Variants in TOGARAM2 observed in about 807,000 individuals in gnomAD.
TOGARAM2 encodes TOG array regulator of axonemal microtubules 2.
TOGARAM2 carries 85 observed loss-of-function variants against 93.3 expected under a neutral mutation model. The ratio of observed to expected loss-of-function variants is 0.91; its 90% CI spans 0.76 to 1.09. TOGARAM2 has a LOEUF of 1.09. TOGARAM2 is among the 50% of genes least tolerant of loss of function. TOGARAM2 has a pLI of 0.00. For synonymous variants in TOGARAM2, 593 were observed against 552.8 expected (o/e 1.07, Z -1.02); for missense variants, 1,277 against 1,334.5 (o/e 0.96, Z 0.67).
Position 29,014,448 on chromosome 2 carries a change from C to A in TOGARAM2, c.931C>A (p.Pro311Thr). Residue 311 changes from proline to threonine, a missense_variant, in exon 8 of 20, where the codon CCT becomes ACT. Transcript: ENST00000379558. ...IRDRPAAAKK[P>T]ALPFSQSAPT... ...AGACAGGCCTGCCGCTGCCAAGAAG[C>A]CTGCCCTGCCTTTTTCTCAGTCTGC... The A allele has an allele frequency of 6.2e-7, 1 of 1,607,876 alleles. No individual in the cohort carries two copies. Among genetic ancestry groups the A allele is most frequent in the South Asian group, 1.1e-5 (1 of 89,374 alleles).
intron 1 of TOGARAM2, among the ~76,000 whole-genome samples, chr2:28,991,019 TG>T (rs1249491618): frequency 5.3e-5 from 8 of 150,836 alleles, no homozygotes; most frequent in South Asian, 2.1e-4. Flanking sequence ...TGTGTGTGTG[TG>T]TGTGTGTGTG....
intron 1 of TOGARAM2, among the ~76,000 whole-genome samples, chr2:28,969,731 T>C (rs1671917593): frequency 6.6e-6 from 1 of 152,052 alleles, no homozygotes; most frequent in Non-Finnish European, 1.5e-5. Context: ...ACAATGTAAC[T>C]GCTCTGACAC....
In TOGARAM2 at chr2:29,033,035, C is replaced by A. The variant is rs373389235; in HGVS notation, c.2114C>A (p.Ala705Glu). ...LPSYDLQKVM[A>E]AIKQQGIEDN... ...TCTTACGACTTGCAGAAGGTCATGGCGGCCATTAAACAGCAGGTGAGCTGT... is the reference window on the plus strand; with the variant it reads ...TCTTACGACTTGCAGAAGGTCATGGAGGCCATTAAACAGCAGGTGAGCTGT... Residue 705 changes from alanine to glutamate, a missense_variant, in exon 15 of 20, where the codon GCG becomes GAG. By Grantham distance (107) the Ala-to-Glu change is moderately radical. Transcript: ENST00000379558. 6 of 1,613,284 alleles carry A rather than the reference C, an allele frequency of 3.7e-6. No individual in the cohort carries two copies. The highest frequency in any genetic ancestry group is 3.3e-5 in the Admixed American group (2 of 59,940).
At chr2:28,987,436 T>C (rs934563466) in intron 1 of TOGARAM2, among the ~76,000 whole-genome samples, 2 of 152,090 alleles carry the variant, frequency 1.3e-5, no homozygotes, top group Non-Finnish European at 2.9e-5. Context: ...ACCGCAGGCA[T>C]CCACCACCAC....
intron 2 of TOGARAM2, among the ~76,000 whole-genome samples, chr2:28,996,222 A>C (rs930101209): frequency 2.0e-5 from 3 of 152,168 alleles, no homozygotes; most frequent in Non-Finnish European, 4.4e-5. Flanking sequence ...GATTTCCAGC[A>C]CCTCAACCAC....
At chr2:29,025,218 G>C (rs1665274022) in intron 13 of TOGARAM2, among the ~76,000 whole-genome samples, 1 of 152,172 alleles carries the variant, frequency 6.6e-6, no homozygotes, top group Non-Finnish European at 1.5e-5. Context: ...TCACTTCTCT[G>C]TGTCTCAGTT....
At chr2:28,960,675 AC>A (rs1270461136) in intron 1 of TOGARAM2, among the ~76,000 whole-genome samples, 4 of 152,088 alleles carry the variant, frequency 2.6e-5, no homozygotes, top group Non-Finnish European at 4.4e-5. Flanking sequence ...TCATTCCTGT[AC>A]CCTCTGTATT....
intron 1 of TOGARAM2, among the ~76,000 whole-genome samples, chr2:28,967,333 T>C (rs1012667051): frequency 6.6e-6 from 1 of 152,036 alleles, no homozygotes; most frequent in Non-Finnish European, 1.5e-5. Flanking sequence ...AAAATAGCCA[T>C]GCATGGTGGA....
At chr2:28,969,629 T>C (rs1453387693) in intron 1 of TOGARAM2, among the ~76,000 whole-genome samples, 2 of 152,280 alleles carry the variant, frequency 1.3e-5, no homozygotes, top group South Asian at 2.1e-4. Context: ...TCCAGCTTCC[T>C]GACTACAAGG....
intron 1 of TOGARAM2, among the ~76,000 whole-genome samples, chr2:28,960,890 G>A (rs550313727): frequency 1.2e-4 from 18 of 152,340 alleles, no homozygotes; most frequent in South Asian, 6.2e-4. Flanking sequence ...CATGTAGCTA[G>A]TGGCTATGGT....
chr2:29,038,668 C>T (rs965186309), intron 18 of TOGARAM2, among the ~76,000 whole-genome samples: 1 of 152,070 alleles, frequency 6.6e-6, no homozygotes, highest in African/African-American at 2.4e-5. Flanking sequence ...TGGTCTTGAA[C>T]TCCTGACCTC....
intron 6 of TOGARAM2, among the ~76,000 whole-genome samples, chr2:29,008,359 T>TGCCC (rs1664013902): frequency 2.6e-5 from 4 of 152,110 alleles, no homozygotes; most frequent in Non-Finnish European, 5.9e-5. Context: ...TCACATTGGT[T>TGCCC]AGGCTGGTCT....
At chr2:29,051,381 T>C (rs1375125007) in intron 19 of TOGARAM2, 1 of 165,336 alleles carries the variant, frequency 6.0e-6, no homozygotes, top group Non-Finnish European at 1.3e-5. Flanking sequence ...ACACAGTTGA[T>C]GGGGGCAGGA....
chr2:28,990,067 G>C (rs75017804), intron 1 of TOGARAM2, among the ~76,000 whole-genome samples: 5,554 of 152,276 alleles, frequency 0.036, 150 homozygotes, highest in Non-Finnish European at 0.055. Flanking sequence ...CCTCCCATGA[G>C]GGGAGCAGAG....
At chr2:29,007,113 C>A (rs1028067002) in intron 6 of TOGARAM2, among the ~76,000 whole-genome samples, 1 of 152,178 alleles carries the variant, frequency 6.6e-6, no homozygotes, top group Non-Finnish European at 1.5e-5. Flanking sequence ...CTCCTGTTTT[C>A]TCCTGGGGCC....
rs536681472 is a variant in TOGARAM2 at position 29,017,663 on chromosome 2, G to A, written c.1196-129G>A. The A allele has an allele frequency of 1.5e-4, 136 of 890,702 alleles. No homozygotes were observed. In the South Asian group the frequency reaches 2.0e-3, roughly 13 times the overall value. 55.2% of individuals were successfully genotyped at this position (890,702 alleles called of 1,614,324 possible). A position where few individuals can be genotyped will look rare whatever the true frequency, so the allele number is the denominator to read the frequency against. On this transcript the variant is annotated intron_variant, in intron 9 of 19. Coordinates refer to ENST00000379558, the MANE Select transcript of TOGARAM2 (RefSeq NM_199280.4). ...TGGCCTCAAGCCATCCTCCTACCTCGGACTCCCAACATGTTGGGGGTACTG... is the reference window on the plus strand; with the variant it reads ...TGGCCTCAAGCCATCCTCCTACCTCAGACTCCCAACATGTTGGGGGTACTG...
At chr2:29,007,755 A>T (rs1440604579) in intron 6 of TOGARAM2, among the ~76,000 whole-genome samples, 1 of 152,078 alleles carries the variant, frequency 6.6e-6, no homozygotes, top group Non-Finnish European at 1.5e-5. Flanking sequence ...ATCAGGGTCC[A>T]TCCAGCCCAC....
chr2:29,013,486 AAC>A (rs1432924470), intron 7 of TOGARAM2, among the ~76,000 whole-genome samples: 4 of 152,238 alleles, frequency 2.6e-5, no homozygotes, highest in Non-Finnish European at 5.9e-5. Flanking sequence ...GAAAGCCTCA[AAC>A]CAGGGACGCC....
intron 18 of TOGARAM2, among the ~76,000 whole-genome samples, chr2:29,044,231 C>T (rs1317353754): frequency 6.6e-6 from 1 of 152,168 alleles, no homozygotes; most frequent in African/African-American, 2.4e-5. Flanking sequence ...AGGTTTAAAA[C>T]ACCTCTTTTC....
Sources: gnomAD v4.1 joint callset for allele counts (sites outside exome capture counted in the v4.1 genomes callset) on GRCh38, gnomAD v4.1.1 for gene constraint, MANE v1.5 for transcripts, NCBI Gene and HGNC (gene_info 2026-07-23, HGNC 2026-07-21) for gene names.